LYST: variants seen among roughly 807,000 people sequenced by gnomAD.
LYST encodes the protein lysosomal-trafficking regulator.
Under a neutral mutation model 413.6 loss-of-function variants are expected in LYST, and 192 were observed. That is an observed-to-expected ratio of 0.46 (90% CI 0.41 to 0.52). The LOEUF is 0.52. LYST is among the 20% of genes least tolerant of loss of function. The probability of loss-of-function intolerance (pLI) is 0.00; values close to 1 mark genes in which losing one functional copy is unlikely to be tolerated. For missense variants in LYST, 3,815 were observed against 4,499.9 expected (o/e 0.85, Z 4.35); for synonymous variants, 1,525 against 1,567.3 (o/e 0.97, Z 0.64).
At chr1:235,793,771 T>C (rs549192083) in intron 10 of LYST, among the ~76,000 whole-genome samples, 159 bp from the exon 11 acceptor site, 2 of 152,228 alleles carry the variant, frequency 1.3e-5, no homozygotes, top group South Asian at 2.1e-4. Flanking sequence ...AATAGCAATA[T>C]AACTAAATGT....
intron 26 of LYST, 103 bp from the exon 27 acceptor site, chr1:235,752,274 C>G: frequency 1.3e-6 from 1 of 798,024 alleles, no homozygotes; most frequent in Non-Finnish European, 2.1e-6. Context: ...TCCTGTTCGA[C>G]CAGCTTGCAC....
intron 1 of LYST, among the ~76,000 whole-genome samples, chr1:235,873,031 T>C (rs1379510125): frequency 6.6e-6 from 1 of 152,138 alleles, no homozygotes; most frequent in Admixed American, 6.5e-5. Flanking sequence ...ACGGCCTATC[T>C]TGAAGGAGAA....
rs958519362 is a variant in LYST, at chr1:235,693,547, C to T, written c.10565-61G>A. ...CACTGCTCGACTGTTACATGACAGC[C>T]CAAAACTGGCAGATTAAAGGGTGAA... On this transcript the variant is annotated intron_variant, in intron 46 of 52. Coordinates refer to ENST00000389793, the MANE Select transcript of LYST (RefSeq NM_000081.4). The T allele has an allele frequency of 8.1e-6, 13 of 1,600,034 alleles. No homozygotes were observed. In the Admixed American group the frequency reaches 1.7e-4, roughly 21 times the overall value.
At chr1:235,737,094 A>C (rs776655746) in intron 31 of LYST, 10 of 152,162 alleles carry the variant, frequency 6.6e-5, no homozygotes, top group Non-Finnish European at 1.0e-4. Context: ...CAGCCTGACC[A>C]AATAAAGAAA....
intron 12 of LYST, among the ~76,000 whole-genome samples, chr1:235,791,392 C>G (rs1670973218): frequency 6.6e-6 from 1 of 152,040 alleles, no homozygotes; most frequent in African/African-American, 2.4e-5. Flanking sequence ...TCAGGAGCCA[C>G]CCTAATCCAG....
At chr1:235,671,205 T>G (rs548031796) in intron 50 of LYST, among the ~76,000 whole-genome samples, 1 of 152,208 alleles carries the variant, frequency 6.6e-6, no homozygotes, top group Non-Finnish European at 1.5e-5. Flanking sequence ...CCCAAAGCGT[T>G]GGGATTACAG....
In LYST at chr1:235,741,415, T is replaced by C. The variant is rs752173624; in HGVS notation, c.8358+7A>G. 36 of 1,606,590 alleles carry C rather than the reference T, an allele frequency of 2.2e-5. No individual in the cohort carries two copies. The highest frequency in any genetic ancestry group is 1.0e-4 in the Admixed American group (6 of 59,988). ...TTTACTTCTCTTATCAAAGCTGAGA[T>C]ACTTACTTGTAGGGATGGGCTGAGA... On this transcript the variant is annotated splice_region_variant and intron_variant, in intron 31 of 52. Transcript: ENST00000389793.
In LYST at chr1:235,664,275, T is replaced by G. The variant is rs1010808603; in HGVS notation, c.11195+190A>C. 3.9e-5 allele frequency among the ~76,000 whole-genome samples: 6 copies of G among 152,216 alleles called. No homozygotes were observed. Among genetic ancestry groups the G allele is most frequent in the South Asian group, 2.1e-4 (1 of 4,818 alleles). On this transcript the variant is annotated intron_variant, in intron 51 of 52. Coordinates refer to ENST00000389793, the MANE Select transcript of LYST (RefSeq NM_000081.4). This position sits in a 1 kb window ranked among gnomAD's most constrained non-coding sequence, Gnocchi z 4.5. The stretch of plus-strand genomic sequence containing the variant: ...TAATCTTTTATAGTTAACATAAAAC[T>G]TCAAAACTGTGCTAAAGCTATCTTT...
chr1:235,862,176 G>A (rs1679957711), intron 1 of LYST, among the ~76,000 whole-genome samples: 1 of 152,190 alleles, frequency 6.6e-6, no homozygotes, highest in African/African-American at 2.4e-5. Context: ...TGATATGACT[G>A]ACATAAGGAA....
At chr1:235,675,879 G>A (rs2103033241) in intron 50 of LYST, among the ~76,000 whole-genome samples, 2 of 152,164 alleles carry the variant, frequency 1.3e-5, no homozygotes, top group South Asian at 4.2e-4. Flanking sequence ...TTAGTCTCTG[G>A]AAAAACACCA....
rs190336308 is a variant in LYST at position 235,692,527 on chromosome 1, T to C, written c.10701+823A>G. Among the ~76,000 whole-genome samples, 311 of 151,900 alleles carry C rather than the reference T, an allele frequency of 2.0e-3. 2 individuals carry two copies. Among genetic ancestry groups the C allele is most frequent in the Admixed American group, 3.1e-3 (48 of 15,268 alleles). On this transcript the variant is annotated intron_variant, in intron 47 of 52. Coordinates refer to ENST00000389793, the MANE Select transcript of LYST (RefSeq NM_000081.4). ...TCCTGAGTAGCTGGAATTACAGGAATGTGCCACCATGCCTGGCTAATTTTT... is the reference window on the plus strand; with the variant it reads ...TCCTGAGTAGCTGGAATTACAGGAACGTGCCACCATGCCTGGCTAATTTTT...
chr1:235,678,843 A>G (rs995310048), intron 48 of LYST, among the ~76,000 whole-genome samples: 3 of 152,172 alleles, frequency 2.0e-5, no homozygotes, highest in African/African-American at 7.2e-5. Context: ...TATAATACAT[A>G]TAAGTATTAT....
intron 50 of LYST, among the ~76,000 whole-genome samples, chr1:235,669,005 A>T (rs1558098339): frequency 1.3e-5 from 2 of 151,034 alleles, no homozygotes; most frequent in Admixed American, 1.3e-4. Flanking sequence ...CCTGAACACA[A>T]GAATAGATGA....
intron 1 of LYST, among the ~76,000 whole-genome samples, chr1:235,851,258 C>T (rs1572454035): frequency 2.0e-5 from 3 of 151,966 alleles, no homozygotes; most frequent in Admixed American, 2.0e-4. Context: ...CTGCAGTGAC[C>T]TGGATGAGAC....
In LYST at chr1:235,854,760, T is replaced by C. The variant is rs1202569964; in HGVS notation, c.-98+12083A>G. On this transcript the variant is annotated intron_variant, in intron 1 of 52. Transcript: ENST00000389793. The surrounding 1 kb of genome is among the most constrained non-coding windows in gnomAD (Gnocchi z 4.1). ...ATCATCATCACCTTGAATCTGGTCC[T>C]TCCCCCTAATCTTACACCTAAGCAT... Among the ~76,000 whole-genome samples, 1 of 152,186 alleles carries C rather than the reference T, an allele frequency of 6.6e-6. No individual in the cohort carries two copies. Among genetic ancestry groups the C allele is most frequent in the African/African-American group, 2.4e-5 (1 of 41,440 alleles).
At chr1:235,709,553 A>G (rs1023663021) in intron 43 of LYST, among the ~76,000 whole-genome samples, 1 of 149,950 alleles carries the variant, frequency 6.7e-6, no homozygotes, top group African/African-American at 2.5e-5. Context: ...TTATCCTTCT[A>G]CCACTTTACA....
At chr1:235,795,558 A>T (rs1317713866) in intron 10 of LYST, among the ~76,000 whole-genome samples, 2 of 152,204 alleles carry the variant, frequency 1.3e-5, no homozygotes, top group African/African-American at 4.8e-5. Flanking sequence ...GCAAACTGCC[A>T]TGTAGGGTAA....
chr1:235,795,016 T>C (rs1671408425), intron 10 of LYST, among the ~76,000 whole-genome samples: 1 of 152,158 alleles, frequency 6.6e-6, no homozygotes, highest in African/African-American at 2.4e-5. Flanking sequence ...GCACATCTAG[T>C]AAGAGATTTA....
At chr1:235,820,460 C>T (rs144084470) in intron 3 of LYST, among the ~76,000 whole-genome samples, 44 of 152,140 alleles carry the variant, frequency 2.9e-4, no homozygotes, top group African/African-American at 1.0e-3. Flanking sequence ...ACCTCCACTG[C>T]CCAGGCTCAG....
Sources: allele counts gnomAD v4.1 joint callset (sites outside exome capture counted in the v4.1 genomes callset), GRCh38; gene constraint gnomAD v4.1.1; non-coding constraint Gnocchi (gnomAD v3.1); transcripts MANE v1.5; gene names NCBI Gene and HGNC (gene_info 2026-07-23, HGNC 2026-07-21).